The following ATXN10 variants were observed in gnomAD, a reference collection of about 807,000 sequenced individuals.
The protein encoded by ATXN10 is ataxin 10.
Under a neutral mutation model 52.9 loss-of-function variants are expected in ATXN10, and 28 were observed. That is an observed-to-expected ratio of 0.53 (90% CI 0.39 to 0.73). The LOEUF (loss-of-function observed/expected upper bound fraction) is 0.73. ATXN10 is among the 30% of genes least tolerant of loss of function. The pLI, the probability that ATXN10 is intolerant of heterozygous loss-of-function variation, is 0.00. For synonymous variants in ATXN10, 226 were observed against 221.5 expected (o/e 1.02, Z -0.18); for missense variants, 565 against 577.0 (o/e 0.98, Z 0.21).
In ATXN10 at chr22:45,763,897, A is replaced by G. The variant is rs966388270; in HGVS notation, c.1173+23359A>G. On this transcript the variant is annotated intron_variant, in intron 9 of 11. Transcript: ENST00000252934. The surrounding 1 kb of genome is among the most constrained non-coding windows in gnomAD (Gnocchi z 6.9). ...GAGGTGCCGGCTGTGTTAGGCTCTT[A>G]CCCCCACCTCCCCCAGTGTCTTCCA... 6.7e-6 allele frequency among the ~76,000 whole-genome samples: 1 copy of G among 150,360 alleles called. No individual in the cohort carries two copies. The highest frequency in any genetic ancestry group is 2.5e-5 in the African/African-American group (1 of 40,796).
intron 5 of ATXN10, among the ~76,000 whole-genome samples, chr22:45,711,761 T>C (rs915298000): frequency 7.9e-5 from 12 of 152,210 alleles, no homozygotes; most frequent in African/African-American, 2.4e-4. Flanking sequence ...CATGTTAGGA[T>C]GTGCACTGCT....
At position 45,732,174 on chromosome 22, in the gene ATXN10, G is replaced by A. The variant is rs1925112220; in HGVS notation, c.894+2584G>A. Among the ~76,000 whole-genome samples, 1 of 152,196 alleles carries A rather than the reference G, an allele frequency of 6.6e-6. No individual in the cohort carries two copies. Among genetic ancestry groups the A allele is most frequent in the African/African-American group, 2.4e-5 (1 of 41,434 alleles). On this transcript the variant is annotated intron_variant, in intron 7 of 11. Coordinates refer to ENST00000252934, the MANE Select transcript of ATXN10 (RefSeq NM_013236.4). The surrounding 1 kb of genome is among the most constrained non-coding windows in gnomAD (Gnocchi z 4.5). ...TTAATGGAATGGAAAGTTGTAGACTGGGAACAGTGGCTCATGCCCGTAATC... is the reference window on the plus strand; with the variant it reads ...TTAATGGAATGGAAAGTTGTAGACTAGGAACAGTGGCTCATGCCCGTAATC...
Position 45,819,875 on chromosome 22 carries a change from G to C in ATXN10, c.1237+12853G>C, listed in dbSNP as rs1928592292. Reference sequence around the variant, plus strand: ...CATTGCCACACAGATTATATATTTTGTGAGACACTTGAGAGACTGGGTAGC... The same window carrying C: ...CATTGCCACACAGATTATATATTTTCTGAGACACTTGAGAGACTGGGTAGC... On this transcript the variant is annotated intron_variant, in intron 10 of 11. Transcript: ENST00000252934. This position sits in a 1 kb window ranked among gnomAD's most constrained non-coding sequence, Gnocchi z 4.5. 6.6e-6 allele frequency among the ~76,000 whole-genome samples: 1 copy of C among 152,174 alleles called. No homozygotes were observed. Among genetic ancestry groups the C allele is most frequent in the African/African-American group, 2.4e-5 (1 of 41,428 alleles).
chr22:45,700,394 A>C lies in ATXN10; in HGVS notation c.488+16A>C, dbSNP rs1294803809. 1 of 1,580,490 alleles carries C rather than the reference A, an allele frequency of 6.3e-7. No individual in the cohort carries two copies. Among genetic ancestry groups the C allele is most frequent in the South Asian group, 1.1e-5 (1 of 90,350 alleles). On this transcript the variant is annotated intron_variant, in intron 4 of 11. Transcript: ENST00000252934. ...AACTGTTTTTGTGAGTATATTGATA[A>C]GCATTTTTCTAACTTGTGAGAAGAT...
intron 3 of ATXN10, among the ~76,000 whole-genome samples, chr22:45,695,897 C>T (rs184430469): frequency 6.6e-6 from 1 of 152,098 alleles, no homozygotes; most frequent in Non-Finnish European, 1.5e-5. Flanking sequence ...GCTAAATTAG[C>T]GTGTTAGAGC....
In ATXN10 at chr22:45,786,274, C is replaced by T. The variant is rs1927319702; in HGVS notation, c.1174-20685C>T. Among the ~76,000 whole-genome samples the T allele has an allele frequency of 6.6e-6, 1 of 152,218 alleles. No individual in the cohort carries two copies. Among genetic ancestry groups the T allele is most frequent in the Admixed American group, 6.5e-5 (1 of 15,282 alleles). ...CTTGAAAAGCATCTTTATTTTGTCA[C>T]AAAAGCTTGGAGAATGCTACTCACT... On this transcript the variant is annotated intron_variant, in intron 9 of 11. Transcript: ENST00000252934. The surrounding 1 kb of genome is among the most constrained non-coding windows in gnomAD (Gnocchi z 4.1).
chr22:45,833,280 C>T lies in ATXN10; in HGVS notation c.1238-9711C>T, dbSNP rs1221501123. ...ACTTCCTGGGAGCTGCTGAAGGCGT[C>T]GGGGGAGGTGGGGTGAGGAGGCAGG... is the stretch of plus-strand genomic sequence containing the variant. On this transcript the variant is annotated intron_variant, in intron 10 of 11. Coordinates refer to ENST00000252934, the MANE Select transcript of ATXN10 (RefSeq NM_013236.4). The surrounding 1 kb of genome is among the most constrained non-coding windows in gnomAD (Gnocchi z 4.3). Among the ~76,000 whole-genome samples, 3 of 152,098 alleles carry T rather than the reference C, an allele frequency of 2.0e-5. No homozygotes were observed. Among genetic ancestry groups the T allele is most frequent in the Non-Finnish European group, 2.9e-5 (2 of 68,008 alleles).
At position 45,733,680 on chromosome 22, in the gene ATXN10, C is replaced by T. The variant is rs1301831792; in HGVS notation, c.894+4090C>T. On this transcript the variant is annotated intron_variant, in intron 7 of 11. Transcript: ENST00000252934. The surrounding 1 kb of genome is among the most constrained non-coding windows in gnomAD (Gnocchi z 4.4). ...GCGGAGGCAGAGAATCACGTGAACCCGGGAGGCGGAGGTTGCTGTGAACTG... is the reference window on the plus strand; with the variant it reads ...GCGGAGGCAGAGAATCACGTGAACCTGGGAGGCGGAGGTTGCTGTGAACTG... 1.3e-5 allele frequency among the ~76,000 whole-genome samples: 2 copies of T among 151,894 alleles called. No individual in the cohort carries two copies. The highest frequency in any genetic ancestry group is 1.9e-4 in the East Asian group (1 of 5,176).
At chr22:45,672,382 G>A (rs1312785348) in intron 1 of ATXN10, 2 of 406,850 alleles carry the variant, frequency 4.9e-6, no homozygotes, top group East Asian at 7.9e-5. Context: ...GGCCTGGGGC[G>A]GGCGCCCCGC....
At position 45,781,692 on chromosome 22, in the gene ATXN10, C is replaced by G. The variant is rs919548287; in HGVS notation, c.1174-25267C>G. Among the ~76,000 whole-genome samples the G allele has an allele frequency of 1.3e-5, 2 of 152,036 alleles. No individual in the cohort carries two copies. The highest frequency in any genetic ancestry group is 3.8e-4 in the East Asian group (2 of 5,198). The stretch of plus-strand genomic sequence containing the variant: ...AATCTGATGAGGATTTCAAAGCATC[C>G]ATCATAGAAATGCTTCTGTAAGCAA... On this transcript the variant is annotated intron_variant, in intron 9 of 11. Transcript: ENST00000252934. The surrounding 1 kb of genome is among the most constrained non-coding windows in gnomAD (Gnocchi z 4.2).
chr22:45,716,111 T>C (rs1429436102), intron 5 of ATXN10, among the ~76,000 whole-genome samples: 1 of 151,658 alleles, frequency 6.6e-6, no homozygotes. Flanking sequence ...AAAATAAAAA[T>C]AAAAAAAGCT....
chr22:45,747,883 G>A (rs1300203874), intron 9 of ATXN10, among the ~76,000 whole-genome samples: 2 of 151,578 alleles, frequency 1.3e-5, no homozygotes, highest in Non-Finnish European at 2.9e-5. Flanking sequence ...GAGTTTGAGA[G>A]CAGCCTGGGC....
chr22:45,764,938 A>G (rs1926530636), intron 9 of ATXN10, among the ~76,000 whole-genome samples: 1 of 152,146 alleles, frequency 6.6e-6, no homozygotes, highest in African/African-American at 2.4e-5. Context: ...TCTTCAGTAT[A>G]TGCTCTTCAT....
Position 45,671,944 on chromosome 22 carries a change from G to A in ATXN10, c.-120G>A. On this transcript the variant is annotated 5_prime_UTR_variant, in exon 1 of 12. Transcript: ENST00000252934. ...CAGCGGCGGCGGCGGTTAGGGCTGT[G>A]TAGGGCGAGGCCTCCCCCTTCCTCC... 1 of 1,180,726 alleles carries A rather than the reference G, an allele frequency of 8.5e-7. No individual in the cohort carries two copies. Among genetic ancestry groups the A allele is most frequent in the Non-Finnish European group, 1.2e-6 (1 of 845,112 alleles). 73.1% of individuals were successfully genotyped at this position (1,180,726 alleles called of 1,614,324 possible).
At chr22:45,746,284 A>G (rs1481246261) in intron 9 of ATXN10, among the ~76,000 whole-genome samples, 2 of 150,446 alleles carry the variant, frequency 1.3e-5, no homozygotes, top group East Asian at 1.9e-4. Flanking sequence ...TCTAGTTGCA[A>G]GGAGCCAAGA....
rs1410204407 is a variant in ATXN10 at position 45,787,679 on chromosome 22, CTATA to C, written c.1174-19278_1174-19275del. Among the ~76,000 whole-genome samples, 1 of 152,150 alleles carries C rather than the reference CTATA, an allele frequency of 6.6e-6. No homozygotes were observed. Among genetic ancestry groups the C allele is most frequent in the Non-Finnish European group, 1.5e-5 (1 of 68,028 alleles). ...ATAATTTAATTCAGTTTAGTGAGGT[CTATA>C]TGTTTGTCTGTGTGTTATTCCTGTA... On this transcript the variant is annotated intron_variant, in intron 9 of 11. Coordinates refer to ENST00000252934, the MANE Select transcript of ATXN10 (RefSeq NM_013236.4). The surrounding 1 kb of genome is among the most constrained non-coding windows in gnomAD (Gnocchi z 4.2).
At chr22:45,722,691 T>TC (rs578252720) in intron 6 of ATXN10, among the ~76,000 whole-genome samples, 77 of 152,128 alleles carry the variant, frequency 5.1e-4, no homozygotes, top group African/African-American at 1.8e-3. Flanking sequence ...CTTGCAGATC[T>TC]CCCTGCACCT....
chr22:45,699,779 C>T (rs530271283), intron 3 of ATXN10, among the ~76,000 whole-genome samples: 1 of 151,628 alleles, frequency 6.6e-6, no homozygotes, highest in Non-Finnish European at 1.5e-5. Flanking sequence ...CGGGTGTGAG[C>T]CACTGCACCC....
chr22:45,740,585 G>C (rs1457307903), intron 9 of ATXN10, 47 bp downstream of exon 9: 1 of 1,575,408 alleles, frequency 6.3e-7, no homozygotes, highest in Non-Finnish European at 8.7e-7. Context: ...GCTTCATTTA[G>C]AATATAGTCC....
Sources: gnomAD v4.1 joint callset for allele counts (sites outside exome capture counted in the v4.1 genomes callset) on GRCh38, gnomAD v4.1.1 for gene constraint, Gnocchi (gnomAD v3.1) non-coding constraint, MANE v1.5 for transcripts, NCBI Gene and HGNC (gene_info 2026-07-23, HGNC 2026-07-21) for gene names.